KLHL3: variants seen among roughly 807,000 people sequenced by gnomAD.
The protein encoded by KLHL3 is kelch like family member 3.
KLHL3 carries 19 observed loss-of-function variants against 70.5 expected under a neutral mutation model. The ratio of observed to expected loss-of-function variants is 0.27; its 90% confidence interval spans 0.19 to 0.40. KLHL3 has a LOEUF of 0.40. KLHL3 is among the 10% of genes least tolerant of loss of function. The pLI, the probability that KLHL3 is intolerant of heterozygous loss-of-function variation, is 1.00. For synonymous variants in KLHL3, 258 were observed against 290.3 expected (o/e 0.89, Z 1.13); for missense variants, 512 against 771.1 (o/e 0.66, Z 3.98).
chr5:137,726,399 G>C (rs1753085555), intron 1 of KLHL3, among the ~76,000 whole-genome samples: 1 of 152,050 alleles, frequency 6.6e-6, no homozygotes, highest in South Asian at 2.1e-4. Flanking sequence ...CCTATTATGT[G>C]CCAAGCAGAT....
chr5:137,734,910 G>A (rs1283808501), intron 1 of KLHL3, among the ~76,000 whole-genome samples: 1 of 152,198 alleles, frequency 6.6e-6, no homozygotes, highest in South Asian at 2.1e-4. Context: ...TGCCTGCCAG[G>A]ATCTAACTGC....
chr5:137,674,217 G>A (rs1179993589), intron 6 of KLHL3, among the ~76,000 whole-genome samples: 1 of 152,116 alleles, frequency 6.6e-6, no homozygotes, highest in Non-Finnish European at 1.5e-5. Context: ...GCCATAGGGA[G>A]GTTCTTTTAT....
chr5:137,659,420 GA>G (rs1011696349), intron 7 of KLHL3, among the ~76,000 whole-genome samples: 1 of 152,112 alleles, frequency 6.6e-6, no homozygotes, highest in African/African-American at 2.4e-5. Context: ...AGCTGGCAGG[GA>G]AAAAAGGATT....
chr5:137,659,730 G>C (rs1351049647), intron 7 of KLHL3, among the ~76,000 whole-genome samples: 2 of 152,256 alleles, frequency 1.3e-5, no homozygotes, highest in South Asian at 2.1e-4. Context: ...TTCAACTTTG[G>C]GGGTGATGAC....
chr5:137,721,634 A>G (rs373608546), intron 1 of KLHL3, among the ~76,000 whole-genome samples: 2 of 152,202 alleles, frequency 1.3e-5, no homozygotes, highest in East Asian at 3.8e-4. Flanking sequence ...CATAATCTCA[A>G]TGCCTTCTGT....
chr5:137,690,009 C>A (rs1752277601), intron 5 of KLHL3, among the ~76,000 whole-genome samples: 1 of 152,184 alleles, frequency 6.6e-6, no homozygotes, highest in African/African-American at 2.4e-5. Flanking sequence ...TCTCCCTTTG[C>A]CACTGCACTA....
chr5:137,728,416 T>C (rs1313519618), intron 1 of KLHL3, among the ~76,000 whole-genome samples: 1 of 152,136 alleles, frequency 6.6e-6, no homozygotes, highest in Non-Finnish European at 1.5e-5. Context: ...CTCACTCCCC[T>C]TCATTAAAAT....
chr5:137,709,962 C>T, intron 2 of KLHL3, 106 bp from the exon 3 acceptor site: 4 of 840,354 alleles, frequency 4.8e-6, no homozygotes, highest in Non-Finnish European at 8.0e-6. Context: ...TATCACTATA[C>T]AAAGCTGTCA....
chr5:137,712,073 G>T (rs532659674), intron 2 of KLHL3, among the ~76,000 whole-genome samples: 1 of 145,340 alleles, frequency 6.9e-6, no homozygotes, highest in African/African-American at 2.6e-5. Context: ...CATGAGAATC[G>T]CTTGAAACCC....
At chr5:137,734,021 A>T (rs1244070665) in intron 1 of KLHL3, among the ~76,000 whole-genome samples, 2 of 152,224 alleles carry the variant, frequency 1.3e-5, no homozygotes, top group Admixed American at 6.5e-5. Flanking sequence ...AGCCATAGAC[A>T]TCAGCCATCC....
intron 6 of KLHL3, among the ~76,000 whole-genome samples, chr5:137,669,326 G>A (rs1253853885): frequency 6.6e-6 from 1 of 152,020 alleles, no homozygotes; most frequent in Non-Finnish European, 1.5e-5. Context: ...TGATCTGTTT[G>A]CCAATGTCTC....
chr5:137,676,464 A>C (rs892880297), intron 6 of KLHL3, among the ~76,000 whole-genome samples: 4 of 152,198 alleles, frequency 2.6e-5, no homozygotes, highest in Non-Finnish European at 1.5e-5. Flanking sequence ...AACTCAGCTG[A>C]ATGTGGGAGG....
intron 12 of KLHL3, among the ~76,000 whole-genome samples, chr5:137,631,693 C>T (rs956822009): frequency 3.9e-5 from 6 of 152,210 alleles, no homozygotes; most frequent in East Asian, 1.9e-4. Context: ...GTATCCACCT[C>T]GTAGGGCTGC....
chr5:137,723,019 A>C (rs763030407), intron 1 of KLHL3, among the ~76,000 whole-genome samples: 1 of 152,214 alleles, frequency 6.6e-6, no homozygotes, highest in South Asian at 2.1e-4. Context: ...AATTTTCTCC[A>C]TAAGTTTGAT....
At chr5:137,651,138 T>C (rs1327435975) in intron 8 of KLHL3, among the ~76,000 whole-genome samples, 2 of 152,242 alleles carry the variant, frequency 1.3e-5, no homozygotes, top group African/African-American at 2.4e-5. Flanking sequence ...TGGTCAGTAT[T>C]AAGTCTCTAT....
At chr5:137,680,979 C>G (rs1020472669) in intron 5 of KLHL3, among the ~76,000 whole-genome samples, 2 of 151,902 alleles carry the variant, frequency 1.3e-5, no homozygotes, top group Admixed American at 6.6e-5. Context: ...TCAAGACTAG[C>G]CTGGTCAATA....
intron 1 of KLHL3, among the ~76,000 whole-genome samples, chr5:137,729,917 G>C (rs1045110711): frequency 6.6e-6 from 1 of 152,144 alleles, no homozygotes; most frequent in Non-Finnish European, 1.5e-5. Flanking sequence ...GGTTACCAGA[G>C]AGCCCCATAC....
rs560719806 is a variant in KLHL3 at position 137,723,442 on chromosome 5, A to C, written c.15-2858T>G. On this transcript the variant is annotated intron_variant, in intron 1 of 14. Transcript: ENST00000309755. ...CAGACTTTTAGATTTTTCTGTATGA[A>C]GACCTTACACGTTTGATTAGATTTA... 2.6e-5 allele frequency among the ~76,000 whole-genome samples: 4 copies of C among 152,336 alleles called. No individual in the cohort carries two copies. The South Asian group carries it at 8.3e-4, about 32-fold the overall frequency.
At chr5:137,622,787 C>G (rs564189482) in intron 14 of KLHL3, among the ~76,000 whole-genome samples, 1 of 152,192 alleles carries the variant, frequency 6.6e-6, no homozygotes, top group Non-Finnish European at 1.5e-5. Flanking sequence ...TATAAATCCA[C>G]GCATGACCCA....
Sources: allele counts gnomAD v4.1 joint callset (sites outside exome capture counted in the v4.1 genomes callset), GRCh38; gene constraint gnomAD v4.1.1; transcripts MANE v1.5; gene names NCBI Gene and HGNC (gene_info 2026-07-23, HGNC 2026-07-21).